RRBP1: variants seen among roughly 807,000 people sequenced by gnomAD.
RRBP1 encodes ribosome binding protein 1, also known as ribosome-binding protein 1.
Under a neutral mutation model 165.2 loss-of-function variants are expected in RRBP1, and 94 were observed. The ratio of observed to expected loss-of-function variants is 0.57; its 90% CI spans 0.48 to 0.68. The LOEUF (loss-of-function observed/expected upper bound fraction) is 0.68. Among genes scored for constraint, RRBP1 ranks in the 30% least tolerant of loss-of-function variants. The pLI is 0.00. For synonymous variants in RRBP1, 680 were observed against 714.5 expected (o/e 0.95, Z 0.77); for missense variants, 1,676 against 1,763.0 (o/e 0.95, Z 0.88).
At chr20:17,662,369 C>T (rs80156009) in intron 2 of RRBP1, among the ~76,000 whole-genome samples, 7,366 of 152,254 alleles carry the variant, frequency 0.048, 229 homozygotes, top group Non-Finnish European at 0.073. Flanking sequence ...ACACTCATGA[C>T]GAAGAAACTT....
At chr20:17,665,111 T>TGG (rs3838382) in intron 2 of RRBP1, among the ~76,000 whole-genome samples, 1,775 of 150,950 alleles carry the variant, frequency 0.012, 67 homozygotes, top group East Asian at 0.069. Context: ...CATATATATG[T>TGG]GGGGGGGGGA....
At position 17,643,883 on chromosome 20, in the gene RRBP1, T is replaced by C. The variant is rs1312659405; in HGVS notation, c.1913-756A>G. Among the ~76,000 whole-genome samples the C allele has an allele frequency of 1.3e-5, 2 of 152,124 alleles. No individual in the cohort carries two copies. The highest frequency in any genetic ancestry group is 6.5e-5 in the Admixed American group (1 of 15,280). On this transcript the variant is annotated intron_variant, in intron 3 of 24. Transcript: ENST00000377813. The surrounding 1 kb of genome is among the most constrained non-coding windows in gnomAD (Gnocchi z 4.3). ...CCCCCCACGCCCCTCCCCACACACA[T>C]GGTTTTGTTCTCATTGGGGCTTGAA...
intron 21 of RRBP1, 37 bp from the exon 22 acceptor site, chr20:17,616,046 T>C (rs745993034): frequency 1.3e-6 from 2 of 1,574,072 alleles, no homozygotes; most frequent in East Asian, 2.2e-5. Context: ...GGCAGCCCGG[T>C]GAGGAACCCT....
chr20:17,630,821 A>G (rs186854447), intron 8 of RRBP1, among the ~76,000 whole-genome samples: 131 of 152,336 alleles, frequency 8.6e-4, no homozygotes, highest in Non-Finnish European at 1.3e-3. Flanking sequence ...TCAACAGATG[A>G]CTGCTGTTTG....
intron 4 of RRBP1, 48 bp downstream of exon 4, chr20:17,642,931 G>C (rs923104755): frequency 6.3e-7 from 1 of 1,595,022 alleles, no homozygotes; most frequent in Non-Finnish European, 8.6e-7. Context: ...AACCACCCTA[G>C]CCAGCTGCAG....
intron 1 of RRBP1, among the ~76,000 whole-genome samples, chr20:17,681,237 C>G (rs1272090773): frequency 6.7e-6 from 1 of 148,536 alleles, no homozygotes; most frequent in Non-Finnish European, 1.5e-5. Flanking sequence ...CTCGTCCCCC[C>G]GCCGGGAGCC....
chr20:17,628,275 T>C (rs2036071719), intron 9 of RRBP1, among the ~76,000 whole-genome samples: 1 of 152,174 alleles, frequency 6.6e-6, no homozygotes, highest in African/African-American at 2.4e-5. Flanking sequence ...CTGCCTCTTC[T>C]AAATGAAGCT....
chr20:17,624,427 T>C (rs1383719848), intron 13 of RRBP1, 149 bp downstream of exon 13: 1 of 647,426 alleles, frequency 1.5e-6, no homozygotes, highest in Non-Finnish European at 2.8e-6. Context: ...CTAGTGCTTC[T>C]ATGCGTTCCT....
intron 2 of RRBP1, among the ~76,000 whole-genome samples, chr20:17,676,166 G>T (rs752555645): frequency 6.6e-6 from 1 of 152,256 alleles, no homozygotes; most frequent in Non-Finnish European, 1.5e-5. Flanking sequence ...CAGTGATTGC[G>T]CCACTGTACT....
At chr20:17,642,874 T>C (rs1053514807) in intron 4 of RRBP1, 105 bp downstream of exon 4, 6 of 1,244,560 alleles carry the variant, frequency 4.8e-6, no homozygotes, top group Non-Finnish European at 6.8e-6. Context: ...GAAAGAGAAG[T>C]GGAGGCTGTC....
intron 16 of RRBP1, 109 bp downstream of exon 16, chr20:17,621,349 C>T: frequency 1.3e-6 from 1 of 744,696 alleles, no homozygotes; most frequent in South Asian, 1.6e-5. Context: ...AGTCACAAGG[C>T]CAGTGGGCTT....
chr20:17,628,412 T>C (rs6131981), intron 9 of RRBP1, among the ~76,000 whole-genome samples: 52,682 of 152,168 alleles, frequency 0.35, 9,415 homozygotes, highest in Non-Finnish European at 0.39. Flanking sequence ...CTAGCACCTC[T>C]GCGGCCACCT....
rs1168720320 is a variant in RRBP1, at chr20:17,629,558, C to T, written c.2749+265G>A. Reference sequence around the variant, plus strand: ...ACCAGGCCCTCACAGGCCTTGCCCCCCACTTCTAGCCCCTGTAGGTCCCAT... The same window carrying T: ...ACCAGGCCCTCACAGGCCTTGCCCCTCACTTCTAGCCCCTGTAGGTCCCAT... On this transcript the variant is annotated intron_variant, in intron 9 of 24. Coordinates refer to ENST00000377813, the MANE Select transcript of RRBP1 (RefSeq NM_001365613.2). 2.0e-5 allele frequency among the ~76,000 whole-genome samples: 3 copies of T among 151,918 alleles called. No homozygotes were observed. In the East Asian group the frequency reaches 5.8e-4, roughly 29 times the overall value.
chr20:17,613,979 A>T lies in RRBP1; in HGVS notation c.*203T>A. ...GGCTGCGCCCAGGATAGTGTTTATC[A>T]AATGTGACACAGGTTCATTTACAAA... On this transcript the variant is annotated 3_prime_UTR_variant, in exon 25 of 25. Coordinates refer to ENST00000377813, the MANE Select transcript of RRBP1 (RefSeq NM_001365613.2). The T allele has an allele frequency of 1.7e-6, 1 of 599,674 alleles. No homozygotes were observed. The highest frequency in any genetic ancestry group is 3.0e-6 in the Non-Finnish European group (1 of 333,624). The allele number at this position is 599,674 out of a possible 1,614,324, so 37.1% of individuals were successfully genotyped here.
intron 2 of RRBP1, among the ~76,000 whole-genome samples, chr20:17,669,864 T>C (rs1013856221): frequency 2.6e-5 from 4 of 152,200 alleles, no homozygotes; most frequent in African/African-American, 7.2e-5. Context: ...AAATTCTACA[T>C]ATATAAGCAT....
intron 2 of RRBP1, among the ~76,000 whole-genome samples, chr20:17,675,936 G>A (rs1416279133): frequency 1.3e-5 from 2 of 152,242 alleles, no homozygotes; most frequent in Non-Finnish European, 2.9e-5. Context: ...GGCTGGGCAT[G>A]CTGGCTCACG....
Position 17,658,633 on chromosome 20 carries a change from G to C in RRBP1, c.1875C>G (p.Ala625=). The C allele has an allele frequency of 6.2e-7, 1 of 1,609,062 alleles. No individual in the cohort carries two copies. The highest frequency in any genetic ancestry group is 1.3e-5 in the African/African-American group (1 of 74,476). The change falls in exon 3 of 25, where the codon GCC becomes GCG. Residue 625 remains alanine, a synonymous_variant. Coordinates refer to ENST00000377813, the MANE Select transcript of RRBP1 (RefSeq NM_001365613.2). ...TTTTCTTTGAACCAGACTTCTTCTT[G>C]GCAGGAGCCTCTTGCTTTGGTGCCT... The part of the protein sequence containing the change: ...SPEAPKQEAP[A]KKKSGSKKKG...
intron 15 of RRBP1, 69 bp downstream of exon 15, chr20:17,621,621 T>G: frequency 6.3e-7 from 1 of 1,591,528 alleles, no homozygotes; most frequent in African/African-American, 1.3e-5. Context: ...TTGAAATGAC[T>G]TGGGGCAGCC....
chr20:17,616,135 T>A, intron 21 of RRBP1, 126 bp from the exon 22 acceptor site: 2 of 762,278 alleles, frequency 2.6e-6, no homozygotes. Context: ...AACGCTCCCC[T>A]CGTTGGGGAG....
Sources: allele counts gnomAD v4.1 joint callset (sites outside exome capture counted in the v4.1 genomes callset), GRCh38; gene constraint gnomAD v4.1.1; non-coding constraint Gnocchi (gnomAD v3.1); transcripts MANE v1.5; gene names NCBI Gene and HGNC (gene_info 2026-07-23, HGNC 2026-07-21).